SF3A3: variants seen among roughly 807,000 people sequenced by gnomAD.
The protein encoded by SF3A3 is SAP 61.
Under a neutral mutation model 85.8 loss-of-function variants are expected in SF3A3, and 9 were observed. The ratio of observed to expected loss-of-function variants is 0.10; its 90% CI spans 0.06 to 0.18. SF3A3 has a LOEUF of 0.18. Among genes scored for constraint, SF3A3 ranks in the 10% least tolerant of loss-of-function variants. SF3A3 has a pLI of 1.00. For synonymous variants in SF3A3, 195 were observed against 204.4 expected (o/e 0.95, Z 0.39); for missense variants, 306 against 593.3 (o/e 0.52, Z 5.03).
intron 3 of SF3A3, 43 bp downstream of exon 3, chr1:37,987,741 C>T: frequency 6.2e-7 from 1 of 1,602,732 alleles, no homozygotes; most frequent in Non-Finnish European, 8.5e-7. Flanking sequence ...ACCATGGCTC[C>T]TCAGAAGCAC....
At chr1:37,958,571 CCTG>C (rs1359688482) in intron 16 of SF3A3, among the ~76,000 whole-genome samples, 1 of 152,082 alleles carries the variant, frequency 6.6e-6, no homozygotes, top group Non-Finnish European at 1.5e-5. Flanking sequence ...GATGGGGAAC[CCTG>C]GTTGAGAAAG....
At chr1:37,967,496 T>A (rs1164760281) in intron 15 of SF3A3, among the ~76,000 whole-genome samples, 2 of 150,970 alleles carry the variant, frequency 1.3e-5, no homozygotes, top group African/African-American at 2.4e-5. Context: ...TGGCTAACAC[T>A]GTGAAACCCT....
In SF3A3 at chr1:37,989,874, G is replaced by A. The variant is rs773559640; in HGVS notation, c.92C>T (p.Ser31Phe). The change falls in exon 1 of 17, where the codon TCC (serine) becomes TTC (phenylalanine). Residue 31 changes from serine (S) to phenylalanine (F), a missense_variant. Ser to Phe is a radical substitution (Grantham distance 155). Transcript: ENST00000373019. ...VMAKEMLTKKSTLRDQINSDH... is the reference protein window; with the variant it reads ...VMAKEMLTKKFTLRDQINSDH... ...CTCTGCTCAGGCCCCACTCACCGTG[G>A]ACTTCTTGGTGAGCATCTCTTTAGC... The A allele has an allele frequency of 6.2e-7, 1 of 1,610,064 alleles. No individual in the cohort carries two copies. The highest frequency in any genetic ancestry group is 1.7e-5 in the Admixed American group (1 of 60,008).
Position 37,982,322 on chromosome 1 carries a change from T to C in SF3A3, c.469-511A>G, listed in dbSNP as rs1451463197. Among the ~76,000 whole-genome samples the C allele has an allele frequency of 2.0e-5, 3 of 152,176 alleles. 1 individual carries two copies. The highest frequency in any genetic ancestry group is 7.2e-5 in the African/African-American group (3 of 41,454). On this transcript the variant is annotated intron_variant, in intron 6 of 16. Transcript: ENST00000373019. ...ATGAGGAATCTAATCATGGATTTCC[T>C]TGTGATCCTTTTGAGATTGTCATAT...
In SF3A3 at chr1:37,979,542, AAC is replaced by A; in HGVS notation, c.691-11_691-10del. ...GCACTGCTTGTCTCTTTCTGGAAAG[AAC>A]AATATGGTATTTATTAAGATCCAGG... On this transcript the variant is annotated splice_polypyrimidine_tract_variant and intron_variant, in intron 8 of 16. Transcript: ENST00000373019. The A allele has an allele frequency of 6.2e-7, 1 of 1,607,286 alleles. No homozygotes were observed. The highest frequency in any genetic ancestry group is 8.5e-7 in the Non-Finnish European group (1 of 1,174,334).
chr1:37,983,586 C>CAAA (rs371317065), intron 6 of SF3A3, among the ~76,000 whole-genome samples: 404 of 38,418 alleles, frequency 0.011, 72 homozygotes, highest in African/African-American at 0.062. Flanking sequence ...GACCCTGTCT[C>CAAA]AAAAAAAAAA....
chr1:37,973,467 T>C (rs1226993910), intron 12 of SF3A3, among the ~76,000 whole-genome samples: 2 of 152,094 alleles, frequency 1.3e-5, no homozygotes, highest in Non-Finnish European at 2.9e-5. Context: ...AGGGCTAATA[T>C]CCAGAATCTA....
chr1:37,960,075 C>CT (rs757552953), intron 16 of SF3A3, 45 bp downstream of exon 16: 25 of 1,538,846 alleles, frequency 1.6e-5, no homozygotes, highest in East Asian at 1.1e-4. Flanking sequence ...AGGGAGCTCT[C>CT]TATCACTTGA....
intron 1 of SF3A3, 78 bp from the exon 2 acceptor site, chr1:37,989,673 C>T: frequency 6.5e-7 from 1 of 1,539,952 alleles, no homozygotes; most frequent in East Asian, 2.3e-5. Flanking sequence ...GCGGAGCTTA[C>T]CCGCTCAGCT....
Position 37,957,856 on chromosome 1 carries a change from T to C in SF3A3, c.*330A>G, listed in dbSNP as rs1272678548. ...GATTTACCTAACATGATATGTAGCA[T>C]AATAGGTGCCCATTAAATCTCAGCT... On this transcript the variant is annotated 3_prime_UTR_variant, in exon 17 of 17. Coordinates refer to ENST00000373019, the MANE Select transcript of SF3A3 (RefSeq NM_006802.4). 2 of 248,392 alleles carry C rather than the reference T, an allele frequency of 8.1e-6. No homozygotes were observed. The highest frequency in any genetic ancestry group is 5.1e-5 in the Admixed American group (1 of 19,584). The allele number at this position is 248,392 out of a possible 1,614,324, so 15.4% of individuals were successfully genotyped here.
chr1:37,985,423 A>C (rs912315962), intron 4 of SF3A3, among the ~76,000 whole-genome samples: 1 of 151,238 alleles, frequency 6.6e-6, no homozygotes. Context: ...TTTTTTTTTT[A>C]AATCCTGATG....
At chr1:37,966,542 G>C (rs149397704) in intron 15 of SF3A3, among the ~76,000 whole-genome samples, 299 of 152,230 alleles carry the variant, frequency 2.0e-3, no homozygotes, top group African/African-American at 6.8e-3. Flanking sequence ...GCATAAAAGG[G>C]AGTTCACAGA....
rs922430793 is a variant in SF3A3, at chr1:37,981,874, TATA to T, written c.469-66_469-64del. 31 of 923,146 alleles carry T rather than the reference TATA, an allele frequency of 3.4e-5. No individual in the cohort carries two copies. In the African/African-American group the frequency reaches 3.5e-4, roughly 11 times the overall value. The allele number at this position is 923,146 out of a possible 1,614,324, so 57.2% of individuals were successfully genotyped here. On this transcript the variant is annotated intron_variant, in intron 6 of 16. Transcript: ENST00000373019. ...GTATTTATACTGTAACAAGTTACAA[TATA>T]ATCTCCAATAAGTGAGATCAAAATT...
intron 6 of SF3A3, among the ~76,000 whole-genome samples, chr1:37,983,899 T>C (rs1422038666): frequency 6.6e-6 from 1 of 152,026 alleles, no homozygotes; most frequent in African/African-American, 2.4e-5. Context: ...ATCATACCAC[T>C]GCACTCCAGA....
chr1:37,960,762 T>G (rs1646251521), intron 15 of SF3A3: 1 of 152,226 alleles, frequency 6.6e-6, no homozygotes. Context: ...GCCATTCTCC[T>G]GCCTCAGCCT....
At chr1:37,968,586 G>A (rs957882257) in intron 14 of SF3A3, among the ~76,000 whole-genome samples, 4 of 152,204 alleles carry the variant, frequency 2.6e-5, no homozygotes, top group African/African-American at 9.7e-5. Flanking sequence ...AGAGAGCAGG[G>A]AGATTATACA....
Position 37,984,742 on chromosome 1 carries a change from A to G in SF3A3, c.341T>C (p.Leu114Pro), listed in dbSNP as rs1353337978. 1 of 1,613,986 alleles carries G rather than the reference A, an allele frequency of 6.2e-7. No individual in the cohort carries two copies. Among genetic ancestry groups the G allele is most frequent in the Non-Finnish European group, 8.5e-7 (1 of 1,179,838 alleles). Reference sequence around the variant, plus strand: ...TTCACTTGGATTCTCTCGAGCCTTCAGGAGTTCCTCAAATTCCACTGACAT... The same window carrying G: ...TTCACTTGGATTCTCTCGAGCCTTCGGGAGTTCCTCAAATTCCACTGACAT... ...VPMSVEFEEL[L>P]KARENPSEEA... is the part of the protein sequence containing the mutation. The change falls in exon 5 of 17, where the codon CTG becomes CCG. Residue 114 changes from leucine to proline, a missense_variant. Around this residue, in one of 4 missense-constraint regions of SF3A3, gnomAD observed 152 missense variants for 192.0 expected, o/e 0.79. Coordinates refer to ENST00000373019, the MANE Select transcript of SF3A3 (RefSeq NM_006802.4).
chr1:37,978,926 A>G, intron 10 of SF3A3, 62 bp downstream of exon 10: 1 of 1,551,722 alleles, frequency 6.4e-7, no homozygotes. Flanking sequence ...AATCAGAGCT[A>G]CTTAGAAGAC....
chr1:37,974,988 T>C (rs1160546447), intron 12 of SF3A3, among the ~76,000 whole-genome samples: 1 of 152,216 alleles, frequency 6.6e-6, no homozygotes, highest in Non-Finnish European at 1.5e-5. Context: ...TCACATTATA[T>C]TGTAATTATT....
Sources: gnomAD v4.1 joint callset for allele counts (sites outside exome capture counted in the v4.1 genomes callset) on GRCh38, gnomAD v4.1.1 for gene constraint, gnomAD v4.1.1 regional missense constraint, MANE v1.5 for transcripts, NCBI Gene and HGNC (gene_info 2026-07-23, HGNC 2026-07-21) for gene names.